The following TENM4 variants were observed in gnomAD, a reference collection of about 807,000 sequenced individuals.
TENM4 encodes teneurin-4.
In TENM4, 82 loss-of-function variants were observed where a neutral mutation model predicts 243.3. The ratio of observed to expected loss-of-function variants is 0.34; its 90% confidence interval spans 0.28 to 0.40. TENM4 has a LOEUF of 0.40. Among genes scored for constraint, TENM4 ranks in the 10% least tolerant of loss-of-function variants. TENM4 has a pLI of 1.00. For missense variants in TENM4, 3,138 were observed against 3,673.3 expected, an observed-to-expected ratio of 0.85 and a Z score of 3.77; for synonymous variants, 1,412 against 1,456.3, an observed-to-expected ratio of 0.97 and a Z score of 0.69.
At chr11:79,176,201 C>T (rs1250674239) in intron 3 of TENM4, among the ~76,000 whole-genome samples, 1 of 152,228 alleles carries the variant, frequency 6.6e-6, no homozygotes, top group Non-Finnish European at 1.5e-5. Context: ...ACTCAATGTA[C>T]TGCCCATAGG....
intron 1 of TENM4, among the ~76,000 whole-genome samples, chr11:79,360,410 G>A (rs568663927): frequency 6.6e-6 from 1 of 152,334 alleles, no homozygotes; most frequent in Non-Finnish European, 1.5e-5. Flanking sequence ...GGATCAGCGT[G>A]TTGATTCTGT....
chr11:79,068,421 C>T (rs1425872039), intron 5 of TENM4: 1 of 152,202 alleles, frequency 6.6e-6, no homozygotes, highest in Non-Finnish European at 1.5e-5. Flanking sequence ...TCAAGCCTCA[C>T]AGGCAGAACA....
At chr11:78,837,229 T>C (rs1263976113) in intron 12 of TENM4, among the ~76,000 whole-genome samples, 1 of 152,184 alleles carries the variant, frequency 6.6e-6, no homozygotes, top group African/African-American at 2.4e-5. Context: ...ACTGTTCTCA[T>C]GGTAGTGAAT....
chr11:79,432,943 T>C (rs566046492), intron 1 of TENM4, among the ~76,000 whole-genome samples: 17 of 152,136 alleles, frequency 1.1e-4, no homozygotes, highest in Non-Finnish European at 1.6e-4. Context: ...ACAGAAAGCA[T>C]TGAGTATGTG....
chr11:78,835,229 C>T (rs1029978050), intron 12 of TENM4, among the ~76,000 whole-genome samples: 27 of 152,154 alleles, frequency 1.8e-4, no homozygotes, highest in African/African-American at 2.4e-4. Flanking sequence ...GCACACTGGC[C>T]GGGCACAGTG....
rs1183968228 is a variant in TENM4 at position 78,801,085 on chromosome 11, G to C, written c.2179+4207C>G. On this transcript the variant is annotated intron_variant, in intron 15 of 33. Coordinates refer to ENST00000278550, the MANE Select transcript of TENM4 (RefSeq NM_001098816.3). Reference sequence around the variant, plus strand: ...TCTATCCTGTGGCTTGTCAGAAAGAGAGATAAGAATGGCAACATGAACACC... The same window carrying C: ...TCTATCCTGTGGCTTGTCAGAAAGACAGATAAGAATGGCAACATGAACACC... Among the ~76,000 whole-genome samples, 4 of 152,158 alleles carry C rather than the reference G, an allele frequency of 2.6e-5. No homozygotes were observed. The East Asian group carries it at 7.7e-4, about 29-fold the overall frequency.
chr11:78,695,485 T>C (rs1190321967), intron 28 of TENM4, among the ~76,000 whole-genome samples: 3 of 152,150 alleles, frequency 2.0e-5, no homozygotes, highest in Non-Finnish European at 2.9e-5. Flanking sequence ...TGCCTCAGCC[T>C]CCCGAGTAGC....
intron 6 of TENM4, among the ~76,000 whole-genome samples, chr11:78,914,082 A>G (rs1489501968): frequency 6.6e-6 from 1 of 152,150 alleles, no homozygotes; most frequent in Non-Finnish European, 1.5e-5. Flanking sequence ...TAAAACACCC[A>G]ATCACACGGT....
intron 4 of TENM4, 53 bp from the exon 5 acceptor site, chr11:79,070,062 G>A: frequency 6.9e-7 from 1 of 1,456,852 alleles, no homozygotes; most frequent in South Asian, 1.4e-5. Context: ...ACATTCCCGG[G>A]TTCATCCTGG....
chr11:79,204,198 G>A (rs1280441478), intron 3 of TENM4, among the ~76,000 whole-genome samples: 1 of 152,108 alleles, frequency 6.6e-6, no homozygotes, highest in Admixed American at 6.5e-5. Context: ...AACGGATTCT[G>A]GTGATGGTTT....
chr11:79,163,798 C>CACATATAT lies in TENM4; in HGVS notation c.-162-14993_-162-14992insATATATGT, dbSNP rs139746563. On this transcript the variant is annotated intron_variant, in intron 3 of 33. Coordinates refer to ENST00000278550, the MANE Select transcript of TENM4 (RefSeq NM_001098816.3). The stretch of plus-strand genomic sequence containing the variant: ...ACACATACATATATATATACACACA[C>CACATATAT]ATATATATACACATATATATACATG... Among the ~76,000 whole-genome samples, 29 of 144,848 alleles carry CACATATAT rather than the reference C, an allele frequency of 2.0e-4. No individual in the cohort carries two copies. In the East Asian group the frequency reaches 4.9e-3, roughly 24 times the overall value.
chr11:79,371,651 T>G (rs1335118237), intron 1 of TENM4, among the ~76,000 whole-genome samples: 1 of 152,212 alleles, frequency 6.6e-6, no homozygotes, highest in Admixed American at 6.5e-5. Flanking sequence ...TCCCCAGGTG[T>G]GCTTTCAGAC....
At chr11:78,659,130 C>A (rs578243085) in intron 33 of TENM4, among the ~76,000 whole-genome samples, 1 of 152,290 alleles carries the variant, frequency 6.6e-6, no homozygotes, top group Non-Finnish European at 1.5e-5. Context: ...AAGAACTCAT[C>A]ATTTAGTTGG....
intron 15 of TENM4, among the ~76,000 whole-genome samples, chr11:78,797,601 A>T (rs530726573): frequency 6.6e-6 from 1 of 152,324 alleles, no homozygotes; most frequent in East Asian, 1.9e-4. Flanking sequence ...ATTTAGCAGC[A>T]TGCTTGTCTG....
chr11:79,398,654 G>A (rs1167538083), intron 1 of TENM4, among the ~76,000 whole-genome samples: 1 of 151,092 alleles, frequency 6.6e-6, no homozygotes, highest in African/African-American at 2.4e-5. Context: ...ACATGATCAG[G>A]GATGATCACA....
intron 6 of TENM4, among the ~76,000 whole-genome samples, chr11:78,992,813 C>T (rs1344811815): frequency 1.3e-5 from 2 of 152,164 alleles, no homozygotes; most frequent in South Asian, 4.1e-4. Context: ...TAGCTCTTTG[C>T]CCTTTGCTTT....
At chr11:79,202,751 C>T (rs1052557090) in intron 3 of TENM4, among the ~76,000 whole-genome samples, 7 of 152,164 alleles carry the variant, frequency 4.6e-5, no homozygotes, top group Non-Finnish European at 8.8e-5. Context: ...GCTTTTCACT[C>T]ACACACAGCT....
chr11:79,264,333 C>A (rs936251335), intron 2 of TENM4, among the ~76,000 whole-genome samples: 15 of 152,076 alleles, frequency 9.9e-5, no homozygotes, highest in African/African-American at 3.6e-4. Context: ...AGGCTCATTA[C>A]CATTAAAGAA....
At chr11:79,398,737 TAAAAAAA>T (rs5792854) in intron 1 of TENM4, among the ~76,000 whole-genome samples, 19 of 102,784 alleles carry the variant, frequency 1.8e-4, no homozygotes, top group Middle Eastern at 0.012. Flanking sequence ...TCAGATGCTT[TAAAAAAA>T]AAAAAAAAAA....
Sources: gnomAD v4.1 joint callset for allele counts (sites outside exome capture counted in the v4.1 genomes callset) on GRCh38, gnomAD v4.1.1 for gene constraint, MANE v1.5 for transcripts, NCBI Gene and HGNC (gene_info 2026-07-23, HGNC 2026-07-21) for gene names.